The following LRFN2 variants were observed in gnomAD, a reference collection of about 807,000 sequenced individuals.
LRFN2 encodes the protein leucine-rich repeat and fibronectin type-III domain-containing protein 2.
LRFN2 carries 18 observed loss-of-function variants against 37.3 expected under a neutral mutation model. The ratio of observed to expected loss-of-function variants is 0.48; its 90% confidence interval spans 0.33 to 0.72. The LOEUF is 0.72. LRFN2 is among the 30% of genes least tolerant of loss of function. The pLI, the probability that LRFN2 is intolerant of heterozygous loss-of-function variation, is 0.02. For missense variants in LRFN2, 1,006 were observed against 1,060.7 expected (o/e 0.95, Z 0.72); for synonymous variants, 556 against 466.6 (o/e 1.19, Z -2.47).
In LRFN2 at chr6:40,579,747, A is replaced by G. The variant is rs893739480; in HGVS notation, c.-19+7194T>C. Among the ~76,000 whole-genome samples the G allele has an allele frequency of 1.7e-4, 26 of 152,248 alleles. 1 individual carries two copies. The highest frequency in any genetic ancestry group is 1.6e-3 in the Admixed American group (24 of 15,294). On this transcript the variant is annotated intron_variant, in intron 1 of 2. Coordinates refer to ENST00000338305, the MANE Select transcript of LRFN2 (RefSeq NM_020737.3). ...AACAGGGCTGGAAAAAGTGCAAGAG[A>G]AGAAGTCAAATGATCAGTGAGACTG...
chr6:40,395,937 G>GT (rs1404852563), intron 2 of LRFN2, among the ~76,000 whole-genome samples: 5 of 152,126 alleles, frequency 3.3e-5, no homozygotes, highest in Non-Finnish European at 7.3e-5. Context: ...TGTAACATAG[G>GT]TTTCCACATT....
At chr6:40,527,614 G>A (rs1051671277) in intron 1 of LRFN2, among the ~76,000 whole-genome samples, 24 of 152,194 alleles carry the variant, frequency 1.6e-4, no homozygotes, top group African/African-American at 5.5e-4. Context: ...AAATCATTGA[G>A]AAAGAGAGCC....
chr6:40,425,673 T>C (rs988893991), intron 2 of LRFN2, among the ~76,000 whole-genome samples: 2 of 152,196 alleles, frequency 1.3e-5, no homozygotes, highest in African/African-American at 4.8e-5. Context: ...CAGCCCTCCC[T>C]AGTCACAAAG....
intron 1 of LRFN2, among the ~76,000 whole-genome samples, chr6:40,459,792 C>T (rs778043655): frequency 1.3e-5 from 2 of 152,166 alleles, no homozygotes; most frequent in Non-Finnish European, 2.9e-5. Flanking sequence ...GAGGGAGGAC[C>T]TTTTAATGAG....
intron 1 of LRFN2, among the ~76,000 whole-genome samples, chr6:40,466,403 G>A (rs1336680959): frequency 6.6e-6 from 1 of 152,178 alleles, no homozygotes; most frequent in Non-Finnish European, 1.5e-5. Context: ...CTTCACTGGA[G>A]GGAAGAGTCT....
rs141225344 is a variant in LRFN2 at position 40,544,662 on chromosome 6, C to T, written c.-19+42279G>A. ...GGAAGGAAATTAGTCCAAGCTCACA[C>T]GGAGAATCAGCAGCAACCACCTCCC... On this transcript the variant is annotated intron_variant, in intron 1 of 2. Coordinates refer to ENST00000338305, the MANE Select transcript of LRFN2 (RefSeq NM_020737.3). Among the ~76,000 whole-genome samples, 196 of 152,340 alleles carry T rather than the reference C, an allele frequency of 1.3e-3. 2 individuals carry two copies. The highest frequency in any genetic ancestry group is 1.1e-3 in the Non-Finnish European group (78 of 68,034).
intron 1 of LRFN2, among the ~76,000 whole-genome samples, chr6:40,503,147 G>A (rs1036197950): frequency 6.6e-6 from 1 of 152,194 alleles, no homozygotes; most frequent in Non-Finnish European, 1.5e-5. Context: ...GCCAGGTCTC[G>A]GATATGGAGA....
intron 1 of LRFN2, among the ~76,000 whole-genome samples, chr6:40,496,352 C>G (rs1293921727): frequency 6.6e-6 from 1 of 152,172 alleles, no homozygotes; most frequent in African/African-American, 2.4e-5. Flanking sequence ...GTCAGGTCAG[C>G]CCACTGTTTT....
intron 1 of LRFN2, among the ~76,000 whole-genome samples, chr6:40,519,663 C>A (rs1368271801): frequency 1.3e-5 from 2 of 152,222 alleles, no homozygotes; most frequent in Non-Finnish European, 2.9e-5. Context: ...CCAGGCTCAG[C>A]ATTGCTGCTT....
chr6:40,556,661 T>TCA (rs1048417644), intron 1 of LRFN2, among the ~76,000 whole-genome samples: 1 of 26,996 alleles, frequency 3.7e-5, no homozygotes, highest in African/African-American at 4.0e-4. Context: ...GAACCAGGTC[T>TCA]CTCTCTCTCT....
chr6:40,430,542 T>C (rs1346730348), intron 2 of LRFN2, among the ~76,000 whole-genome samples: 1 of 152,262 alleles, frequency 6.6e-6, no homozygotes, highest in Admixed American at 6.5e-5. Context: ...GGCCATGTCC[T>C]TCATGTTTCA....
At chr6:40,557,116 C>T (rs1278378262) in intron 1 of LRFN2, among the ~76,000 whole-genome samples, 4 of 152,140 alleles carry the variant, frequency 2.6e-5, no homozygotes, top group Non-Finnish European at 5.9e-5. Flanking sequence ...TTTGTGCAGG[C>T]CTCTAAGCCT....
intron 1 of LRFN2, among the ~76,000 whole-genome samples, chr6:40,463,831 C>T (rs566253749): frequency 3.3e-5 from 5 of 152,126 alleles, no homozygotes; most frequent in South Asian, 2.1e-4. Flanking sequence ...CATGCACCAC[C>T]GTGCCCAGCT....
rs143343556 is a variant in LRFN2 at position 40,420,131 on chromosome 6, C to G, written c.1400+11583G>C. Among the ~76,000 whole-genome samples, 578 of 152,314 alleles carry G rather than the reference C, an allele frequency of 3.8e-3. 6 individuals are homozygous for G. The highest frequency in any genetic ancestry group is 0.012 in the African/African-American group (507 of 41,570). On this transcript the variant is annotated intron_variant, in intron 2 of 2. Coordinates refer to ENST00000338305, the MANE Select transcript of LRFN2 (RefSeq NM_020737.3). ...AGCACAGCGGAGCCCACCTTTGGAG[C>G]CCACCCCTGCTGGAAATAGCTCTCT... is the stretch of plus-strand genomic sequence containing the variant.
chr6:40,501,982 C>T (rs1765394650), intron 1 of LRFN2, among the ~76,000 whole-genome samples: 1 of 152,142 alleles, frequency 6.6e-6, no homozygotes, highest in South Asian at 2.1e-4. Context: ...TGTACCAAGC[C>T]CAGTGGAGAC....
At chr6:40,436,117 A>C (rs575293526) in intron 1 of LRFN2, among the ~76,000 whole-genome samples, 77 of 152,370 alleles carry the variant, frequency 5.1e-4, no homozygotes, top group African/African-American at 1.8e-3. Context: ...ATATTATTTC[A>C]ATATATCCTC....
At chr6:40,512,988 T>G (rs1405359583) in intron 1 of LRFN2, among the ~76,000 whole-genome samples, 2 of 152,164 alleles carry the variant, frequency 1.3e-5, no homozygotes, top group Admixed American at 6.5e-5. Context: ...CTTTTCTGTT[T>G]ATAAACGTCA....
intron 2 of LRFN2, among the ~76,000 whole-genome samples, chr6:40,421,456 C>A (rs552705970): frequency 2.0e-5 from 3 of 151,998 alleles, no homozygotes; most frequent in South Asian, 2.1e-4. Context: ...AGAGGTGGGT[C>A]GCTTTGAGGT....
At chr6:40,532,487 G>C (rs1206356860) in intron 1 of LRFN2, among the ~76,000 whole-genome samples, 1 of 152,212 alleles carries the variant, frequency 6.6e-6, no homozygotes, top group African/African-American at 2.4e-5. Context: ...TGAAGGCTCA[G>C]AGAAGTTAAG....
Sources: allele counts gnomAD v4.1 joint callset (sites outside exome capture counted in the v4.1 genomes callset), GRCh38; gene constraint gnomAD v4.1.1; transcripts MANE v1.5; gene names NCBI Gene and HGNC (gene_info 2026-07-23, HGNC 2026-07-21).